Variants in WDR41 observed in about 807,000 individuals in gnomAD.
WDR41 encodes the protein WD repeat domain 41.
Under a neutral mutation model 69.3 loss-of-function variants are expected in WDR41, and 63 were observed. The observed-to-expected ratio is 0.91, with a 90% CI of 0.74 to 1.12. WDR41 has a LOEUF of 1.12. WDR41 is among the 50% of genes most tolerant of loss of function. The probability of loss-of-function intolerance (pLI) is 0.00; values close to 1 mark genes in which losing one functional copy is unlikely to be tolerated. For missense variants in WDR41, 543 were observed against 534.5 expected, an observed-to-expected ratio of 1.02 and a Z score of -0.16; for synonymous variants, 185 against 192.1, an observed-to-expected ratio of 0.96 and a Z score of 0.31.
intron 1 of WDR41, among the ~76,000 whole-genome samples, chr5:77,616,699 A>G (rs1323616824): frequency 1.3e-5 from 2 of 152,178 alleles, no homozygotes; most frequent in Non-Finnish European, 2.9e-5. Context: ...CTAAATGACC[A>G]AGCCACAGCC....
chr5:77,527,769 A>C (rs919588289), intron 1 of WDR41, among the ~76,000 whole-genome samples: 3 of 151,872 alleles, frequency 2.0e-5, no homozygotes, highest in Admixed American at 2.0e-4. Context: ...ATCTAGGCTA[A>C]ATGTCAATAT....
chr5:77,445,563 A>C (rs1413542718), intron 8 of WDR41, among the ~76,000 whole-genome samples: 1 of 152,184 alleles, frequency 6.6e-6, no homozygotes, highest in Non-Finnish European at 1.5e-5. Context: ...GCACATCAAA[A>C]AGCTTATCCA....
At chr5:77,491,926 A>G (rs1801808269) in intron 1 of WDR41, 2 of 519,918 alleles carry the variant, frequency 3.8e-6, no homozygotes, top group Non-Finnish European at 6.8e-6. Context: ...CGATTCAGCT[A>G]GCCGTGGGAC....
At chr5:77,513,451 G>T (rs576041590) in intron 1 of WDR41, among the ~76,000 whole-genome samples, 22 of 152,230 alleles carry the variant, frequency 1.4e-4, no homozygotes, top group African/African-American at 5.3e-4. Flanking sequence ...CAATAGTCTA[G>T]ATACATTGCC....
chr5:77,507,833 T>C (rs1454194291), intron 1 of WDR41, among the ~76,000 whole-genome samples: 1 of 152,184 alleles, frequency 6.6e-6, no homozygotes, highest in Non-Finnish European at 1.5e-5. Flanking sequence ...CTTCAAATAT[T>C]TTTCCTGCTC....
At chr5:77,559,695 G>T (rs1273696068) in intron 1 of WDR41, among the ~76,000 whole-genome samples, 3 of 151,752 alleles carry the variant, frequency 2.0e-5, no homozygotes, top group African/African-American at 7.3e-5. Flanking sequence ...TGTTATGTGT[G>T]TGTGTGTGTA....
At chr5:77,584,741 C>A (rs1158376008) in intron 1 of WDR41, among the ~76,000 whole-genome samples, 1 of 152,062 alleles carries the variant, frequency 6.6e-6, no homozygotes, top group Admixed American at 6.6e-5. Context: ...TCCTACTCAG[C>A]AAAGGTGCTG....
intron 2 of WDR41, among the ~76,000 whole-genome samples, chr5:77,485,248 A>C (rs926348458): frequency 3.9e-5 from 6 of 152,136 alleles, no homozygotes; most frequent in Non-Finnish European, 5.9e-5. Flanking sequence ...TATACTGACT[A>C]TCTGTTTCCC....
upstream of WDR41, among the ~76,000 whole-genome samples, chr5:77,494,878 T>C (rs1376865804): frequency 6.6e-6 from 1 of 152,138 alleles, no homozygotes; most frequent in African/African-American, 2.4e-5. Flanking sequence ...TAAGACATTC[T>C]CTTAGATAGA....
intron 2 of WDR41, among the ~76,000 whole-genome samples, chr5:77,477,749 A>T (rs1801014831): frequency 8.9e-6 from 1 of 112,950 alleles, no homozygotes; most frequent in South Asian, 3.1e-4. Context: ...ACACCCTAAC[A>T]TCACAATTAA....
At chr5:77,563,044 C>T (rs1036359686) in intron 1 of WDR41, among the ~76,000 whole-genome samples, 1 of 152,080 alleles carries the variant, frequency 6.6e-6, no homozygotes, top group Non-Finnish European at 1.5e-5. Flanking sequence ...GAGCAAGTAC[C>T]GCATCTATTT....
chr5:77,569,549 C>G (rs11952265), intron 1 of WDR41, among the ~76,000 whole-genome samples: 15,600 of 151,910 alleles, frequency 0.1, 1,683 homozygotes, highest in East Asian at 0.26. Flanking sequence ...CTTACAAAAG[C>G]CATTTATATT....
intron 1 of WDR41, among the ~76,000 whole-genome samples, chr5:77,533,977 C>T (rs1742914718): frequency 6.6e-6 from 1 of 152,044 alleles, no homozygotes; most frequent in Non-Finnish European, 1.5e-5. Context: ...TAAGCTTCTA[C>T]AAATATCATC....
At chr5:77,552,586 A>G (rs1478663105) in intron 1 of WDR41, among the ~76,000 whole-genome samples, 1 of 152,210 alleles carries the variant, frequency 6.6e-6, no homozygotes, top group Non-Finnish European at 1.5e-5. Context: ...AGCTAGAGCA[A>G]TCTTGATAGA....
chr5:77,519,359 A>C (rs1160437063), intron 1 of WDR41, among the ~76,000 whole-genome samples: 1 of 151,946 alleles, frequency 6.6e-6, no homozygotes, highest in African/African-American at 2.4e-5. Flanking sequence ...ATGACTTTCT[A>C]AGGACGTTAT....
chr5:77,436,393 A>T lies in WDR41; in HGVS notation c.1095T>A (p.Gly365=), dbSNP rs755302442. 14 of 1,613,702 alleles carry T rather than the reference A, an allele frequency of 8.7e-6. No individual in the cohort carries two copies. Among genetic ancestry groups the T allele is most frequent in the Middle Eastern group, 1.7e-4 (1 of 6,060 alleles). ...TTCCAAATCCCCACATGTTAAAAAA[A>T]CCTAGAAAAAGAATCATTTCCAAAA... is the stretch of plus-strand genomic sequence containing the variant. ...QQLAAEPVPT[G]FFNMWGFGRV... The change falls in exon 12 of 13, where the codon GGT becomes GGA. Residue 365 remains glycine (G), a splice_region_variant and synonymous_variant. Transcript: ENST00000296679.
intron 1 of WDR41, among the ~76,000 whole-genome samples, chr5:77,522,212 T>A (rs756182505): frequency 6.6e-6 from 1 of 152,220 alleles, no homozygotes; most frequent in Non-Finnish European, 1.5e-5. Context: ...TGGCTCTATG[T>A]GGTCCAGAAG....
At chr5:77,495,782 C>T (rs1027594121), upstream of WDR41, among the ~76,000 whole-genome samples, 1 of 130,324 alleles carries the variant, frequency 7.7e-6, no homozygotes, top group Non-Finnish European at 1.6e-5. Context: ...CCAGCATTAC[C>T]CTGATACCAA....
chr5:77,537,094 T>A (rs1217601387), intron 1 of WDR41, among the ~76,000 whole-genome samples: 1 of 152,242 alleles, frequency 6.6e-6, no homozygotes, highest in African/African-American at 2.4e-5. Flanking sequence ...AAATATTGGC[T>A]ATAATAATCA....
Sources: gnomAD v4.1 joint callset for allele counts (sites outside exome capture counted in the v4.1 genomes callset) on GRCh38, gnomAD v4.1.1 for gene constraint, MANE v1.5 for transcripts, NCBI Gene and HGNC (gene_info 2026-07-23, HGNC 2026-07-21) for gene names.